STRN: variants seen among roughly 807,000 people sequenced by gnomAD.
The protein encoded by STRN is striatin, also known as protein phosphatase 2 regulatory subunit B'''alpha.
Under a neutral mutation model 96.3 loss-of-function variants are expected in STRN, and 53 were observed. The observed-to-expected ratio is 0.55, with a 90% confidence interval of 0.44 to 0.69. STRN has a LOEUF of 0.69. Ranked by LOEUF, STRN falls within the 30% of genes least tolerant of loss-of-function variation. The pLI is 0.00. For missense variants in STRN, 987 were observed against 963.9 expected (o/e 1.02, Z -0.32); for synonymous variants, 428 against 355.9 (o/e 1.20, Z -2.28).
chr2:36,933,243 G>C (rs1240695397), intron 1 of STRN, among the ~76,000 whole-genome samples: 1 of 152,044 alleles, frequency 6.6e-6, no homozygotes, highest in Non-Finnish European at 1.5e-5. Flanking sequence ...AAATAATCTA[G>C]AGATGATTTA....
rs539481085 is a variant in STRN, at chr2:36,882,678, A to G, written c.1186+1254T>C. On this transcript the variant is annotated intron_variant, in intron 9 of 17. Transcript: ENST00000263918. The stretch of plus-strand genomic sequence containing the variant: ...TAGCTACTCAGGAGGCTGAGGTGGA[A>G]GTATCACCTGAGCCTGAGAGGTCAA... Among the ~76,000 whole-genome samples the G allele has an allele frequency of 1.3e-3, 191 of 152,276 alleles. 1 individual carries two copies. Among genetic ancestry groups the G allele is most frequent in the African/African-American group, 4.5e-3 (186 of 41,556 alleles).
chr2:36,900,432 G>C (rs1405858704), intron 5 of STRN, among the ~76,000 whole-genome samples: 1 of 152,014 alleles, frequency 6.6e-6, no homozygotes, highest in East Asian at 1.9e-4. Flanking sequence ...CTGCTTAACA[G>C]CTAAAGTAAA....
At chr2:36,963,450 C>A (rs1273591635) in intron 1 of STRN, among the ~76,000 whole-genome samples, 1 of 152,124 alleles carries the variant, frequency 6.6e-6, no homozygotes, top group Non-Finnish European at 1.5e-5. Context: ...TAAGAAAATT[C>A]CAGTAGCAAA....
chr2:36,863,554 T>C (rs185775769), intron 12 of STRN, among the ~76,000 whole-genome samples: 2 of 152,230 alleles, frequency 1.3e-5, no homozygotes, highest in African/African-American at 4.8e-5. Context: ...ACCAGTACCA[T>C]GATGTTTTGG....
intron 1 of STRN, among the ~76,000 whole-genome samples, chr2:36,953,653 C>T (rs369234239): frequency 2.0e-4 from 30 of 152,284 alleles, no homozygotes; most frequent in Admixed American, 1.1e-3. Flanking sequence ...CCAACCACCT[C>T]GGCCTCCCAA....
At chr2:36,957,449 G>A (rs552813936) in intron 1 of STRN, among the ~76,000 whole-genome samples, 4 of 152,030 alleles carry the variant, frequency 2.6e-5, no homozygotes, top group African/African-American at 9.7e-5. Context: ...TTAGCCAGGC[G>A]TGGTGGTGCA....
At chr2:36,936,430 C>A (rs553446173) in intron 1 of STRN, among the ~76,000 whole-genome samples, 1 of 152,262 alleles carries the variant, frequency 6.6e-6, no homozygotes, top group East Asian at 1.9e-4. Context: ...GAGAGAAATT[C>A]ATGCTTATGG....
At chr2:36,953,627 C>A (rs556842502) in intron 1 of STRN, among the ~76,000 whole-genome samples, 1 of 152,154 alleles carries the variant, frequency 6.6e-6, no homozygotes, top group Non-Finnish European at 1.5e-5. Flanking sequence ...TGGTCTCGAT[C>A]TCCTGACCTC....
At chr2:36,950,213 GTTTTTTT>G (rs745506504) in intron 1 of STRN, among the ~76,000 whole-genome samples, 1 of 109,032 alleles carries the variant, frequency 9.2e-6, no homozygotes, top group Non-Finnish European at 1.8e-5. Flanking sequence ...GTTTGGTTTT[GTTTTTTT>G]TTTTTTTTTT....
intron 1 of STRN, among the ~76,000 whole-genome samples, chr2:36,927,535 G>A (rs1315545823): frequency 7.1e-6 from 1 of 140,264 alleles, no homozygotes; most frequent in African/African-American, 2.6e-5. Flanking sequence ...GGGGGGGGGG[G>A]GTGGTAATCA....
chr2:36,851,084 T>A lies in STRN; in HGVS notation c.2002A>T (p.Asn668Tyr). Residue 668 changes from asparagine to tyrosine, a missense_variant, in exon 16 of 18, where the codon AAT becomes TAT. Physicochemically the swap from Asn to Tyr is moderately radical, Grantham distance 143. Transcript: ENST00000263918. ...AGAGTAGGATGACTGATGACTCTAT[T>A]TATTTGGCAGGAAGAGTTGGCTGCT... Reference protein sequence around the residue: ...DTTANSSCQINRVISHPTLPI... With the variant: ...DTTANSSCQIYRVISHPTLPI... 6.2e-7 allele frequency: 1 copy of A among 1,613,604 alleles called. No individual in the cohort carries two copies. Among genetic ancestry groups the A allele is most frequent in the Non-Finnish European group, 8.5e-7 (1 of 1,179,810 alleles).
chr2:36,857,068 G>A lies in STRN; in HGVS notation c.1837+788C>T, dbSNP rs1275988481. Among the ~76,000 whole-genome samples the A allele has an allele frequency of 4.0e-5, 6 of 150,372 alleles. No homozygotes were observed. The East Asian group carries it at 9.8e-4, about 24-fold the overall frequency. On this transcript the variant is annotated intron_variant, in intron 14 of 17. Transcript: ENST00000263918. ...CTCAGGTATTTCTTTATAGTGGTAC[G>A]AGAATGGGCAAATATAGTCTTTTTT...
intron 13 of STRN, 115 bp from the exon 14 acceptor site, chr2:36,858,138 T>C (rs1668394812): frequency 1.4e-6 from 1 of 737,752 alleles, no homozygotes; most frequent in African/African-American, 1.8e-5. Context: ...TAAAATATGA[T>C]TCTTGGTTTC....
At chr2:36,930,150 G>C (rs1670533205) in intron 1 of STRN, among the ~76,000 whole-genome samples, 1 of 152,166 alleles carries the variant, frequency 6.6e-6, no homozygotes, top group Non-Finnish European at 1.5e-5. Context: ...GTCATTATCA[G>C]GCTAGGCGCG....
chr2:36,870,746 C>A (rs917967790), intron 10 of STRN, among the ~76,000 whole-genome samples: 4 of 152,136 alleles, frequency 2.6e-5, no homozygotes, highest in African/African-American at 9.7e-5. Context: ...TTTTATTCTA[C>A]AGTATATTCC....
chr2:36,897,235 A>C (rs1322038427), intron 6 of STRN, among the ~76,000 whole-genome samples: 2 of 152,064 alleles, frequency 1.3e-5, no homozygotes, highest in Non-Finnish European at 2.9e-5. Flanking sequence ...TTTTAATAGG[A>C]TAACTTTCAG....
At chr2:36,938,692 ATAAC>A (rs899986740) in intron 1 of STRN, among the ~76,000 whole-genome samples, 24 of 152,176 alleles carry the variant, frequency 1.6e-4, no homozygotes, top group African/African-American at 5.5e-4. Flanking sequence ...TTAAGAATAA[ATAAC>A]TATTTGATAT....
rs1013592921 is a variant in STRN at position 36,857,918 on chromosome 2, G to C, written c.1775C>G (p.Thr592Ser). 2 of 1,613,856 alleles carry C rather than the reference G, an allele frequency of 1.2e-6. No homozygotes were observed. The highest frequency in any genetic ancestry group is 2.7e-5 in the African/African-American group (2 of 74,898). Residue 592 changes from threonine (T) to serine (S), a missense_variant, in exon 14 of 18, where the codon ACT (threonine) becomes AGT (serine). Transcript: ENST00000263918. Reference sequence around the variant, plus strand: ...CTCAGTTGTATTCCATAAACGCAGAGTGCCATCTGCTGAACAGGACAACAA... The same window carrying C: ...CTCAGTTGTATTCCATAAACGCAGACTGCCATCTGCTGAACAGGACAACAA... ...QRLLSCSADG[T>S]LRLWNTTEVA...
rs921226317 is a variant in STRN, at chr2:36,847,263, G to C, written c.*2193C>G. On this transcript the variant is annotated 3_prime_UTR_variant, in exon 18 of 18. Coordinates refer to ENST00000263918, the MANE Select transcript of STRN (RefSeq NM_003162.4). ...AAAATGAACGGGGGAAGAATGTCCT[G>C]GTTTTTAGAATTTCAGTGACATTAA... 6.6e-6 allele frequency: 1 copy of C among 152,120 alleles called. No homozygotes were observed. Among genetic ancestry groups the C allele is most frequent in the Non-Finnish European group, 1.5e-5 (1 of 68,006 alleles). 9.4% of individuals were successfully genotyped at this position (152,120 alleles called of 1,614,324 possible).
Sources: gnomAD v4.1 joint callset for allele counts (sites outside exome capture counted in the v4.1 genomes callset) on GRCh38, gnomAD v4.1.1 for gene constraint, MANE v1.5 for transcripts, NCBI Gene and HGNC (gene_info 2026-07-23, HGNC 2026-07-21) for gene names.